JMJD1C: variants seen among roughly 807,000 people sequenced by gnomAD.
JMJD1C encodes the protein jumonji domain containing 1C, also known as jumonji domain-containing protein 1C.
A neutral mutation model predicts 245.3 loss-of-function variants in JMJD1C; 31 were observed. The ratio of observed to expected loss-of-function variants is 0.13; its 90% CI spans 0.09 to 0.17. The LOEUF is 0.17. Among genes scored for constraint, JMJD1C ranks in the 10% least tolerant of loss-of-function variants. The probability of loss-of-function intolerance (pLI) is 1.00; values close to 1 mark genes in which losing one functional copy is unlikely to be tolerated. For missense variants in JMJD1C, 2,691 were observed against 3,000.2 expected (o/e 0.90, Z 2.41); for synonymous variants, 1,057 against 1,017.4 (o/e 1.04, Z -0.74).
chr10:63,473,714 C>G lies in JMJD1C; in HGVS notation n.113+48024G>C, dbSNP rs528050782. ...TTTATGTATATCTGGTAAATTATGA[C>G]TAAATTTTTGTTAAATTGCATAAAG... On this transcript the variant is annotated intron_variant and non_coding_transcript_variant, in intron 1 of 3. Transcript: ENST00000633035. 9.2e-5 allele frequency among the ~76,000 whole-genome samples: 14 copies of G among 152,148 alleles called. No individual in the cohort carries two copies. The South Asian group carries it at 1.9e-3, about 20-fold the overall frequency.
Position 63,380,342 on chromosome 10 carries a change from G to A in JMJD1C, c.309C>T (p.Ser103=). Residue 103 remains serine (S), a synonymous_variant, in exon 2 of 26, where the codon AGC becomes AGT. Coordinates refer to ENST00000399262, the MANE Select transcript of JMJD1C (RefSeq NM_032776.3). The part of the protein sequence containing the change: ...NDPSQTQGSK[S]KQIQWPALTF... The stretch of plus-strand genomic sequence containing the variant: ...CCAATGCAGGCCACTGAATCTGTTT[G>A]CTCTTTGATCCCTGAGTCTGGCTAG... 1 of 1,613,930 alleles carries A rather than the reference G, an allele frequency of 6.2e-7. No homozygotes were observed. The highest frequency in any genetic ancestry group is 8.5e-7 in the Non-Finnish European group (1 of 1,179,914).
At chr10:63,486,162 A>AAAAAAAAAAAAC (rs1564964519) in intron 1 of JMJD1C, among the ~76,000 whole-genome samples, 1 of 61,670 alleles carries the variant, frequency 1.6e-5, no homozygotes, top group Non-Finnish European at 3.0e-5. Context: ...AAAAAAAAAA[A>AAAAAAAAAAAAC]AAAAAACAAA....
At position 63,176,380 on chromosome 10, in the gene JMJD1C, G is replaced by A; in HGVS notation, c.7318C>T (p.Leu2440Phe). ...CAGGTTCTGACTCCATATTCTTCAA[G>A]CAGCCTTTGACGGAGCTTTTTGTTC... ...YVNKKLRQRL[L>F]EEYGVRTCTL... is the part of the protein sequence containing the mutation. The change falls in exon 24 of 26, where the codon CTT (leucine) becomes TTT (phenylalanine). Residue 2440 changes from leucine (L) to phenylalanine (F), a missense_variant. Transcript: ENST00000399262. 6.2e-7 allele frequency: 1 copy of A among 1,613,974 alleles called. No individual in the cohort carries two copies. Among genetic ancestry groups the A allele is most frequent in the Non-Finnish European group, 8.5e-7 (1 of 1,179,898 alleles).
At chr10:63,464,365 G>A (rs188067657) in intron 1 of JMJD1C, among the ~76,000 whole-genome samples, 23 of 152,150 alleles carry the variant, frequency 1.5e-4, no homozygotes, top group Admixed American at 1.0e-3. Context: ...AAATAGGTAG[G>A]TAAAAAATAT....
At position 63,387,760 on chromosome 10, in the gene JMJD1C, G is replaced by A. The variant is rs113925009; in HGVS notation, c.169-7278C>T. ...CTGCCATTCTCCTGCCTCAGCCTCCGGAGTAGCTGGGACTACAGGTGCCCA... is the reference window on the plus strand; with the variant it reads ...CTGCCATTCTCCTGCCTCAGCCTCCAGAGTAGCTGGGACTACAGGTGCCCA... On this transcript the variant is annotated intron_variant, in intron 1 of 25. Coordinates refer to ENST00000399262, the MANE Select transcript of JMJD1C (RefSeq NM_032776.3). Among the ~76,000 whole-genome samples the A allele has an allele frequency of 4.6e-3, 651 of 140,894 alleles. 9 individuals are homozygous for A. Among genetic ancestry groups the A allele is most frequent in the African/African-American group, 0.016 (597 of 38,190 alleles). The allele number at this position is 140,894 out of a possible 152,430, so 92.4% of individuals were successfully genotyped here.
intron 1 of JMJD1C, among the ~76,000 whole-genome samples, chr10:63,383,418 T>G (rs1476990461): frequency 6.6e-6 from 1 of 152,000 alleles, no homozygotes; most frequent in Non-Finnish European, 1.5e-5. Flanking sequence ...ATAAAACCCA[T>G]CGTTAAGGGT....
intron 2 of JMJD1C, among the ~76,000 whole-genome samples, chr10:63,314,377 TG>T (rs2134067053): frequency 6.6e-6 from 1 of 152,220 alleles, no homozygotes; most frequent in East Asian, 1.9e-4. Flanking sequence ...CTGGGCAAAA[TG>T]AAGAAACTCC....
At chr10:63,273,327 G>A (rs1051393006) in intron 2 of JMJD1C, among the ~76,000 whole-genome samples, 6 of 152,134 alleles carry the variant, frequency 3.9e-5, no homozygotes, top group Non-Finnish European at 7.4e-5. Flanking sequence ...GAGCAGCTGG[G>A]ACTACAAGTA....
chr10:63,222,635 A>T lies in JMJD1C; in HGVS notation c.448-2652T>A, dbSNP rs963562853. ...CTCACATGCTGAATTTTTGGACATA[A>T]TTAAAAGAAATAGAGATCGGTGTGT... On this transcript the variant is annotated intron_variant, in intron 3 of 25. Coordinates refer to ENST00000399262, the MANE Select transcript of JMJD1C (RefSeq NM_032776.3). The T allele has an allele frequency of 5.7e-5, 89 of 1,566,556 alleles. No homozygotes were observed. The Middle Eastern group carries it at 1.1e-3, about 20-fold the overall frequency.
intron 1 of JMJD1C, among the ~76,000 whole-genome samples, chr10:63,431,678 T>A (rs1478082458): frequency 6.6e-6 from 1 of 152,242 alleles, no homozygotes; most frequent in Non-Finnish European, 1.5e-5. Context: ...GGTGATATTG[T>A]AACTCAGGGT....
chr10:63,520,281 C>T (rs1377809959), intron 1 of JMJD1C, among the ~76,000 whole-genome samples: 1 of 152,122 alleles, frequency 6.6e-6, no homozygotes, highest in Non-Finnish European at 1.5e-5. Flanking sequence ...AGTATTATTA[C>T]CCCCTTTTTA....
chr10:63,200,787 A>G, intron 10 of JMJD1C, 110 bp from the exon 11 acceptor site: 1 of 904,212 alleles, frequency 1.1e-6, no homozygotes, highest in Non-Finnish European at 1.7e-6. Context: ...GTAAGACTTT[A>G]GTAAAGAAGC....
intron 2 of JMJD1C, among the ~76,000 whole-genome samples, chr10:63,290,151 AAAGG>A (rs1194252860): frequency 1.3e-5 from 2 of 152,192 alleles, no homozygotes; most frequent in Admixed American, 1.3e-4. Context: ...AACAAACCTT[AAAGG>A]AAGGTCTAAA....
At chr10:63,266,156 ACT>A (rs1303592472) in intron 2 of JMJD1C, among the ~76,000 whole-genome samples, 4 of 151,918 alleles carry the variant, frequency 2.6e-5, no homozygotes, top group South Asian at 4.1e-4. Context: ...AACAGGAAAA[ACT>A]CTCTTATATT....
chr10:63,270,093 T>C (rs1041104971), intron 2 of JMJD1C, among the ~76,000 whole-genome samples: 10 of 152,346 alleles, frequency 6.6e-5, no homozygotes, highest in Non-Finnish European at 1.3e-4. Context: ...AAAATTTTGA[T>C]GTAAAGACAA....
At chr10:63,339,622 T>TA (rs1943187116) in intron 2 of JMJD1C, among the ~76,000 whole-genome samples, 1 of 34,772 alleles carries the variant, frequency 2.9e-5, no homozygotes, top group Middle Eastern at 9.3e-3. Flanking sequence ...CATCTCTAAT[T>TA]TAAAAAAAAA....
At chr10:63,432,402 A>G (rs1950812767) in intron 1 of JMJD1C, among the ~76,000 whole-genome samples, 1 of 150,882 alleles carries the variant, frequency 6.6e-6, no homozygotes, top group African/African-American at 2.4e-5. Flanking sequence ...GGTTGTGGTC[A>G]CTGGACTTGT....
chr10:63,281,458 C>CTTTTTTTTTT lies in JMJD1C; in HGVS notation c.334-16704_334-16695dup, dbSNP rs71025144. Among the ~76,000 whole-genome samples, 3 of 65,350 alleles carry CTTTTTTTTTT rather than the reference C, an allele frequency of 4.6e-5. 1 individual carries two copies. Among genetic ancestry groups the CTTTTTTTTTT allele is most frequent in the African/African-American group, 1.4e-4 (2 of 14,174 alleles). 42.9% of individuals were successfully genotyped at this position (65,350 alleles called of 152,430 possible). A position where few individuals can be genotyped will look rare whatever the true frequency, so the allele number is the denominator to read the frequency against. On this transcript the variant is annotated intron_variant, in intron 2 of 25. Transcript: ENST00000399262. ...ACAGGCGTGAGCCACTGCGCCTGGC[C>CTTTTTTTTTT]TTTTTTTTTTTTTTTTTTTTTTTTT...
At chr10:63,317,404 C>T (rs1940221266) in intron 2 of JMJD1C, among the ~76,000 whole-genome samples, 1 of 152,002 alleles carries the variant, frequency 6.6e-6, no homozygotes, top group Admixed American at 6.6e-5. Flanking sequence ...ACTTGGGAGG[C>T]TGAGGCAGGA....
Sources: gnomAD v4.1 joint callset for allele counts (sites outside exome capture counted in the v4.1 genomes callset) on GRCh38, gnomAD v4.1.1 for gene constraint, MANE v1.5 for transcripts, NCBI Gene and HGNC (gene_info 2026-07-23, HGNC 2026-07-21) for gene names.